Variants in KSR1 observed in about 807,000 individuals in gnomAD.
KSR1 encodes kinase suppressor of ras 1, also known as kinase suppressor of ras.
Under a neutral mutation model 92.9 loss-of-function variants are expected in KSR1, and 35 were observed. That is an observed-to-expected ratio of 0.38 (90% CI 0.29 to 0.50). The LOEUF is 0.50. Among genes scored for constraint, KSR1 ranks in the 20% least tolerant of loss-of-function variants. The probability of loss-of-function intolerance (pLI) is 0.94; values close to 1 mark genes in which losing one functional copy is unlikely to be tolerated. For synonymous variants in KSR1, 467 were observed against 472.6 expected, an observed-to-expected ratio of 0.99 and a Z score of 0.15; for missense variants, 972 against 1,158.5, an observed-to-expected ratio of 0.84 and a Z score of 2.34.
chr17:27,465,776 C>T (rs1401952681), intron 1 of KSR1, among the ~76,000 whole-genome samples: 2 of 152,006 alleles, frequency 1.3e-5, no homozygotes, highest in Non-Finnish European at 2.9e-5. Flanking sequence ...GGTTGAGTCC[C>T]AATTTATCCA....
At chr17:27,560,505 CT>C in intron 2 of KSR1, 3 of 518,784 alleles carry the variant, frequency 5.8e-6, no homozygotes, top group Non-Finnish European at 1.2e-5. Context: ...TCTCTTTCCG[CT>C]CTCCTCTACC....
In KSR1 at chr17:27,533,948, C is replaced by G. The variant is rs2070652503; in HGVS notation, c.232-16620C>G. Among the ~76,000 whole-genome samples the G allele has an allele frequency of 2.1e-5, 3 of 142,686 alleles. No individual in the cohort carries two copies. In the Admixed American group the frequency reaches 2.1e-4, roughly 10 times the overall value. 93.6% of individuals were successfully genotyped at this position (142,686 alleles called of 152,430 possible). On this transcript the variant is annotated intron_variant, in intron 1 of 20. Coordinates refer to ENST00000644974, the MANE Select transcript of KSR1 (RefSeq NM_001394583.1). Reference sequence around the variant, plus strand: ...TTCAGCTAGAGCTTGTCCAAGGTGACAGGTGCGTGTGCGCACGTGTGTGTG... The same window carrying G: ...TTCAGCTAGAGCTTGTCCAAGGTGAGAGGTGCGTGTGCGCACGTGTGTGTG...
At chr17:27,515,907 T>C (rs1055060288) in intron 1 of KSR1, among the ~76,000 whole-genome samples, 4 of 152,168 alleles carry the variant, frequency 2.6e-5, no homozygotes, top group South Asian at 2.1e-4. Context: ...TTTGCCTTTT[T>C]TTTTGTTAAG....
chr17:27,536,212 G>A lies in KSR1; in HGVS notation c.232-14356G>A, dbSNP rs1003182981. 8.5e-5 allele frequency among the ~76,000 whole-genome samples: 13 copies of A among 152,162 alleles called. No individual in the cohort carries two copies. In the East Asian group the frequency reaches 1.9e-3, roughly 23 times the overall value. On this transcript the variant is annotated intron_variant, in intron 1 of 20. Transcript: ENST00000644974. ...ATCTCCAGCCGAAGGGCCCCTCCCC[G>A]AGAAGCACCAAGTCCTAGTAAATTG...
At chr17:27,588,755 C>A (rs2073064155) in intron 6 of KSR1, among the ~76,000 whole-genome samples, 1 of 152,202 alleles carries the variant, frequency 6.6e-6, no homozygotes, top group Non-Finnish European at 1.5e-5. Context: ...CGGGTCTCTT[C>A]CTCACTCTGC....
chr17:27,608,064 C>T (rs73274061), intron 15 of KSR1, 54 bp downstream of exon 15: 14,984 of 1,314,392 alleles, frequency 0.011, 476 homozygotes, highest in African/African-American at 0.11. Context: ...CCAGGGCTCT[C>T]GGCTGTTCCT....
intron 1 of KSR1, among the ~76,000 whole-genome samples, chr17:27,499,202 C>T (rs1262879998): frequency 3.9e-5 from 6 of 152,168 alleles, no homozygotes; most frequent in African/African-American, 7.2e-5. Context: ...AGGGAAGCAG[C>T]GCCTCTCTGT....
At chr17:27,517,215 A>G (rs2069832403) in intron 1 of KSR1, among the ~76,000 whole-genome samples, 1 of 152,228 alleles carries the variant, frequency 6.6e-6, no homozygotes, top group Admixed American at 6.5e-5. Flanking sequence ...AAGGGTGGCT[A>G]CCTATGAGAC....
chr17:27,564,736 A>ACCC (rs34194473), intron 2 of KSR1, among the ~76,000 whole-genome samples: 20 of 101,432 alleles, frequency 2.0e-4, no homozygotes, highest in Admixed American at 5.6e-4. Context: ...AAGATGGAAG[A>ACCC]CCCCCCCCCC....
chr17:27,491,823 A>G (rs755250549), intron 1 of KSR1, among the ~76,000 whole-genome samples: 15 of 152,116 alleles, frequency 9.9e-5, no homozygotes, highest in Non-Finnish European at 1.6e-4. Flanking sequence ...AGGGGCTCCG[A>G]CTGAAGTTAG....
At chr17:27,562,509 A>G (rs956411622) in intron 2 of KSR1, among the ~76,000 whole-genome samples, 6 of 152,190 alleles carry the variant, frequency 3.9e-5, no homozygotes, top group Non-Finnish European at 5.9e-5. Context: ...CTGTGTGCCT[A>G]TAGCCCTGCC....
chr17:27,617,470 C>T (rs1038061974), intron 19 of KSR1, 42 bp downstream of exon 19: 11 of 1,583,498 alleles, frequency 6.9e-6, no homozygotes, highest in East Asian at 2.3e-5. Flanking sequence ...GCCAGGCCCT[C>T]GCAGCCTCAC....
intron 7 of KSR1, among the ~76,000 whole-genome samples, chr17:27,591,168 G>A (rs1358983987): frequency 6.6e-6 from 1 of 152,212 alleles, no homozygotes; most frequent in Non-Finnish European, 1.5e-5. Flanking sequence ...TATGAGGACT[G>A]TTCTGGGACC....
intron 1 of KSR1, among the ~76,000 whole-genome samples, chr17:27,541,153 G>A (rs931902390): frequency 4.6e-5 from 7 of 152,222 alleles, no homozygotes; most frequent in Non-Finnish European, 7.3e-5. Flanking sequence ...TGGGCACCAC[G>A]TAAGAGTCTG....
At chr17:27,556,876 G>C (rs766627862) in intron 2 of KSR1, among the ~76,000 whole-genome samples, 1 of 152,220 alleles carries the variant, frequency 6.6e-6, no homozygotes, top group Non-Finnish European at 1.5e-5. Flanking sequence ...TTGGAGGCTA[G>C]AAGCAAAGTT....
At chr17:27,555,078 T>A (rs2071541134) in intron 2 of KSR1, among the ~76,000 whole-genome samples, 1 of 152,202 alleles carries the variant, frequency 6.6e-6, no homozygotes, top group South Asian at 2.1e-4. Context: ...CTGGGATCAA[T>A]CCAGGGCACC....
At chr17:27,593,927 C>G (rs907668719) in intron 9 of KSR1, among the ~76,000 whole-genome samples, 3 of 152,214 alleles carry the variant, frequency 2.0e-5, no homozygotes, top group African/African-American at 7.2e-5. Context: ...GCCCAGCAAG[C>G]TCCCTCGAGG....
chr17:27,467,226 C>T (rs1281339364), intron 1 of KSR1, among the ~76,000 whole-genome samples: 2 of 152,210 alleles, frequency 1.3e-5, no homozygotes, highest in Non-Finnish European at 1.5e-5. Flanking sequence ...TTGCAAACTC[C>T]TCTCTCCGTC....
chr17:27,487,685 G>A (rs769081568), intron 1 of KSR1, among the ~76,000 whole-genome samples: 13 of 151,944 alleles, frequency 8.6e-5, no homozygotes, highest in African/African-American at 2.2e-4. Flanking sequence ...TAGAGGCGGC[G>A]TCTCACCCTG....
Sources: allele counts gnomAD v4.1 joint callset (sites outside exome capture counted in the v4.1 genomes callset), GRCh38; gene constraint gnomAD v4.1.1; transcripts MANE v1.5; gene names NCBI Gene and HGNC (gene_info 2026-07-23, HGNC 2026-07-21).